MTMR9: variants seen among roughly 807,000 people sequenced by gnomAD.
MTMR9 encodes myotubularin-related protein 9.
In MTMR9, 39 loss-of-function variants were observed where a neutral mutation model predicts 69.5. The observed-to-expected ratio is 0.56, with a 90% CI of 0.43 to 0.73. The LOEUF (loss-of-function observed/expected upper bound fraction) is 0.73, where lower values mean the gene tolerates loss of function less well. Ranked by LOEUF, MTMR9 falls within the 30% of genes least tolerant of loss-of-function variation. MTMR9 has a pLI of 0.00. For synonymous variants in MTMR9, 354 were observed against 240.8 expected (o/e 1.47, Z -4.35); for missense variants, 900 against 671.2 (o/e 1.34, Z -3.77).
At chr8:11,308,679 A>G (rs1349712148) in intron 5 of MTMR9, among the ~76,000 whole-genome samples, 1 of 152,190 alleles carries the variant, frequency 6.6e-6, no homozygotes, top group Non-Finnish European at 1.5e-5. Context: ...TATTTCTGTG[A>G]TATCAGTTGT....
intron 1 of MTMR9, among the ~76,000 whole-genome samples, chr8:11,288,227 TAATATATA>T (rs1452170854): frequency 1.0e-4 from 14 of 133,928 alleles, no homozygotes; most frequent in African/African-American, 3.5e-4. Flanking sequence ...TTAATAATTA[TAATATATA>T]ATAATAATAA....
In MTMR9 at chr8:11,284,825, C is replaced by A. The variant is rs1799080377; in HGVS notation, c.-64C>A. On this transcript the variant is annotated 5_prime_UTR_variant, in exon 1 of 10. The change creates a new upstream start codon in the 5' untranslated region. Transcript: ENST00000221086. ...CGCGCCGGGTGTTTCCGCTACTTCC[C>A]TGCGGCGGGGTAACCGCCTCGCACC... The A allele has an allele frequency of 7.5e-6, 11 of 1,463,800 alleles. No individual in the cohort carries two copies. The South Asian group carries it at 1.3e-4, about 17-fold the overall frequency. The allele number at this position is 1,463,800 out of a possible 1,614,324, so 90.7% of individuals were successfully genotyped here.
chr8:11,334,940 A>G, the MTMR9 span, among the ~76,000 whole-genome samples: 6 of 152,332 alleles, frequency 3.9e-5, no homozygotes, highest in East Asian at 1.9e-4. Context: ...AACTTCCTCA[A>G]TTTGACAAAG....
downstream of MTMR9, among the ~76,000 whole-genome samples, chr8:11,328,478 C>A (rs1321824685): frequency 1.3e-5 from 2 of 151,740 alleles, no homozygotes; most frequent in South Asian, 4.1e-4. Context: ...AATATGTATT[C>A]TACATATTAT....
chr8:11,319,918 T>C lies in MTMR9; in HGVS notation c.1486+80T>C, dbSNP rs534670872. On this transcript the variant is annotated intron_variant, in intron 9 of 9. Coordinates refer to ENST00000221086, the MANE Select transcript of MTMR9 (RefSeq NM_015458.4). ...CTGTGAGTGTGTGCTGTTGGTGATG[T>C]ATGAAGATGGTGAGCTGGACGTGGC... 2.8e-5 allele frequency: 41 copies of C among 1,455,644 alleles called. No homozygotes were observed. The East Asian group carries it at 8.7e-4, about 31-fold the overall frequency. 90.2% of individuals were successfully genotyped at this position (1,455,644 alleles called of 1,614,324 possible). A position where few individuals can be genotyped will look rare whatever the true frequency, so the allele number is the denominator to read the frequency against.
intron 8 of MTMR9, chr8:11,317,992 T>G (rs923374809): frequency 4.6e-5 from 7 of 152,038 alleles, no homozygotes; most frequent in African/African-American, 1.7e-4. Flanking sequence ...AGGGGAGGAT[T>G]AACTCCCCCA....
intron 1 of MTMR9, among the ~76,000 whole-genome samples, chr8:11,293,828 T>C (rs536921956): frequency 9.8e-5 from 15 of 152,320 alleles, no homozygotes; most frequent in East Asian, 3.9e-4. Context: ...CTGTCTTCAA[T>C]TGAATTGTCT....
At chr8:11,307,305 C>G (rs147142668) in intron 5 of MTMR9, among the ~76,000 whole-genome samples, 215 of 152,300 alleles carry the variant, frequency 1.4e-3, no homozygotes, top group African/African-American at 5.0e-3. Flanking sequence ...CTCCTGACCT[C>G]AAGTGATCCT....
downstream of MTMR9, among the ~76,000 whole-genome samples, chr8:11,330,077 T>A (rs1801141888): frequency 6.7e-6 from 1 of 148,814 alleles, no homozygotes; most frequent in Non-Finnish European, 1.5e-5. Flanking sequence ...CGTCTCCGCC[T>A]GGCAGCCGCC....
At chr8:11,308,713 T>G (rs1563277794) in intron 5 of MTMR9, among the ~76,000 whole-genome samples, 1 of 152,244 alleles carries the variant, frequency 6.6e-6, no homozygotes, top group Non-Finnish European at 1.5e-5. Context: ...TATTTCTGAT[T>G]GTATGCATTT....
At position 11,316,852 on chromosome 8, in the gene MTMR9, C is replaced by T. The variant is rs762673979; in HGVS notation, c.1293C>T (p.Ala431=). 1.9e-6 allele frequency: 3 copies of T among 1,611,686 alleles called. No individual in the cohort carries two copies. The highest frequency in any genetic ancestry group is 2.5e-6 in the Non-Finnish European group (3 of 1,178,802). ...FLIMLFEHAY[A]SQFGTFLGNN... is the part of the protein sequence containing the mutation. ...TCATGCTCTTTGAGCATGCTTATGC[C>T]TCACAGTTTGGAACATTTCTGGGCA... Residue 431 remains alanine (A), a synonymous_variant, in exon 8 of 10, where the codon GCC becomes GCT. Coordinates refer to ENST00000221086, the MANE Select transcript of MTMR9 (RefSeq NM_015458.4).
intron 1 of MTMR9, among the ~76,000 whole-genome samples, chr8:11,288,962 C>T (rs117298399): frequency 0.044 from 6,768 of 152,260 alleles, 223 homozygotes; most frequent in Non-Finnish European, 0.073. Flanking sequence ...CACCTGAGGT[C>T]AGGAGTTCGA....
intron 6 of MTMR9, among the ~76,000 whole-genome samples, chr8:11,313,158 G>T (rs1800272255): frequency 1.3e-5 from 2 of 152,212 alleles, no homozygotes; most frequent in Non-Finnish European, 2.9e-5. Context: ...GCTGACAAGA[G>T]AGTTTGCTTC....
chr8:11,321,629 TAAAATC>T, intron 9 of MTMR9: 1 of 388,404 alleles, frequency 2.6e-6, no homozygotes, highest in Admixed American at 3.0e-5. Context: ...CTCTATTAGG[TAAAATC>T]CTATGGTAGG....
At chr8:11,310,791 T>C (rs1297056776) in intron 6 of MTMR9, among the ~76,000 whole-genome samples, 1 of 148,924 alleles carries the variant, frequency 6.7e-6, no homozygotes, top group Non-Finnish European at 1.5e-5. Flanking sequence ...ACAGGAATTG[T>C]AATAAACAGT....
chr8:11,317,084 G>A (rs1468142846), intron 8 of MTMR9, 191 bp downstream of exon 8: 1 of 401,734 alleles, frequency 2.5e-6, no homozygotes, highest in African/African-American at 2.1e-5. Context: ...CCTAGACTTT[G>A]TTCTGTTAGG....
Position 11,294,500 on chromosome 8 carries a change from C to CTTTTTTTTTTTTTT in MTMR9, c.183-689_183-676dup, listed in dbSNP as rs61227530. 8.8e-4 allele frequency among the ~76,000 whole-genome samples: 93 copies of CTTTTTTTTTTTTTT among 105,780 alleles called. 5 individuals carry two copies. Among genetic ancestry groups the CTTTTTTTTTTTTTT allele is most frequent in the African/African-American group, 2.2e-3 (50 of 22,430 alleles). The allele number at this position is 105,780 out of a possible 152,430, so 69.4% of individuals were successfully genotyped here. A position where few individuals can be genotyped will look rare whatever the true frequency, so the allele number is the denominator to read the frequency against. On this transcript the variant is annotated intron_variant, in intron 1 of 9. Coordinates refer to ENST00000221086, the MANE Select transcript of MTMR9 (RefSeq NM_015458.4). ...TGTTAGATTTTGTCAAATACTTTCA[C>CTTTTTTTTTTTTTT]TTTTTTTTTTTTTTTTTTGAGACAG... is the stretch of plus-strand genomic sequence containing the variant.
chr8:11,317,036 T>C, intron 8 of MTMR9, 143 bp downstream of exon 8: 1 of 515,128 alleles, frequency 1.9e-6, no homozygotes, highest in Non-Finnish European at 3.3e-6. Flanking sequence ...TAATTATAAT[T>C]TAAATGACCT....
chr8:11,319,402 G>A, intron 8 of MTMR9: 1 of 358,104 alleles, frequency 2.8e-6, no homozygotes. Flanking sequence ...AATGTTCTCT[G>A]GGTTAAGGTT....
Sources: gnomAD v4.1 joint callset for allele counts (sites outside exome capture counted in the v4.1 genomes callset) on GRCh38, gnomAD v4.1.1 for gene constraint, MANE v1.5 for transcripts, NCBI Gene and HGNC (gene_info 2026-07-23, HGNC 2026-07-21) for gene names.